CPLANE1: variants seen among roughly 807,000 people sequenced by gnomAD.
The protein encoded by CPLANE1 is ciliogenesis and planar polarity effector complex subunit 1, also known as ciliogenesis and planar polarity effector 1.
Under a neutral mutation model 362.5 loss-of-function variants are expected in CPLANE1, and 263 were observed. That is an observed-to-expected ratio of 0.73 (90% CI 0.66 to 0.80). The LOEUF is 0.80. CPLANE1 is among the 30% of genes least tolerant of loss of function. The probability of loss-of-function intolerance (pLI) is 0.00; values close to 1 mark genes in which losing one functional copy is unlikely to be tolerated. For synonymous variants in CPLANE1, 1,212 were observed against 1,302.6 expected (o/e 0.93, Z 1.50); for missense variants, 3,461 against 3,793.4 (o/e 0.91, Z 2.30).
chr5:37,116,105 G>A (rs1347724202), intron 50 of CPLANE1, among the ~76,000 whole-genome samples: 3 of 151,758 alleles, frequency 2.0e-5, no homozygotes, highest in Admixed American at 1.3e-4. Context: ...TGAGCAACAT[G>A]GCAAGACTCC....
chr5:37,138,862 TG>T lies in CPLANE1; in HGVS notation c.8664-15del. ...TGTACTGAAACACTTCATTTGCAAATGTAATTTAAGAAATATAAATCAGTAT... is the reference window on the plus strand; with the variant it reads ...TGTACTGAAACACTTCATTTGCAAATTAATTTAAGAAATATAAATCAGTAT... On this transcript the variant is annotated splice_polypyrimidine_tract_variant and intron_variant, in intron 45 of 52. Coordinates refer to ENST00000651892, the MANE Select transcript of CPLANE1 (RefSeq NM_001384732.1). The T allele has an allele frequency of 6.3e-7, 1 of 1,593,378 alleles. No individual in the cohort carries two copies. The highest frequency in any genetic ancestry group is 8.5e-7 in the Non-Finnish European group (1 of 1,174,394).
chr5:37,083,235 A>C, the CPLANE1 span, among the ~76,000 whole-genome samples: 1 of 152,184 alleles, frequency 6.6e-6, no homozygotes, highest in Admixed American at 6.5e-5. Context: ...GGGGGAGAGT[A>C]CTACATCAAG....
chr5:37,157,697 C>T lies in CPLANE1; in HGVS notation c.7984G>A (p.Val2662Ile). Residue 2662 changes from valine (V) to isoleucine (I), a missense_variant, in exon 40 of 53, where the codon GTT (valine) becomes ATT (isoleucine). Transcript: ENST00000651892. ...TGACTCTTAAAATTATGTGGGGGAA[C>T]AGCATTAGTAACTGAAGCTGCCATA... ...HYMAASVTNAVPPHNFKSQEV... is the reference protein window; with the variant it reads ...HYMAASVTNAIPPHNFKSQEV... The T allele has an allele frequency of 1.2e-6, 2 of 1,613,468 alleles. No homozygotes were observed. Among genetic ancestry groups the T allele is most frequent in the Non-Finnish European group, 1.7e-6 (2 of 1,179,788 alleles).
chr5:37,124,898 ATAGT>A, intron 47 of CPLANE1: 1 of 1,044,878 alleles, frequency 9.6e-7, no homozygotes. Flanking sequence ...TTTAATACAC[ATAGT>A]TGGTTGTCGC....
downstream of CPLANE1, among the ~76,000 whole-genome samples, chr5:37,105,201 G>A (rs996740985): frequency 1.3e-5 from 2 of 152,198 alleles, no homozygotes; most frequent in African/African-American, 2.4e-5. Flanking sequence ...TTGGGTAGTC[G>A]AGGTGGGAGG....
At chr5:37,102,066 G>GT (rs1224703154), downstream of CPLANE1, among the ~76,000 whole-genome samples, 1 of 151,670 alleles carries the variant, frequency 6.6e-6, no homozygotes, top group Non-Finnish European at 1.5e-5. Context: ...TTTTTGAAGG[G>GT]TTTTTTCATG....
rs146040372 is a variant in CPLANE1, at chr5:37,130,864, T to C, written c.8793-5455A>G. Among the ~76,000 whole-genome samples, 51 of 152,294 alleles carry C rather than the reference T, an allele frequency of 3.3e-4. 1 individual carries two copies. The highest frequency in any genetic ancestry group is 1.0e-3 in the African/African-American group (43 of 41,560). On this transcript the variant is annotated intron_variant, in intron 46 of 52. Transcript: ENST00000651892. ...CTGCATAAACAGATCTTTCCTCCTA[T>C]CTAGGAAAAATGGAATGTCAGAAGT...
rs573980625 is a variant in CPLANE1, at chr5:37,213,646, A to C, written c.2833T>G (p.Phe945Val). 6.5e-7 allele frequency: 1 copy of C among 1,547,076 alleles called. No homozygotes were observed. Among genetic ancestry groups the C allele is most frequent in the South Asian group, 1.2e-5 (1 of 83,254 alleles). The change falls in exon 16 of 53, where the codon TTC (phenylalanine) becomes GTC (valine). Residue 945 changes from phenylalanine to valine, a missense_variant. Phe to Val is a conservative substitution (Grantham distance 50). Transcript: ENST00000651892. ...TGATTGGTGAAATAGGCAGCCATGAAACGAGCCATGGACTGGACGACTCTC... is the reference window on the plus strand; with the variant it reads ...TGATTGGTGAAATAGGCAGCCATGACACGAGCCATGGACTGGACGACTCTC... The part of the protein sequence containing the change: ...AVRVVQSMAR[F>V]MAAYFTNQQL...
At chr5:37,205,512 T>G in intron 17 of CPLANE1, 58 bp from the exon 18 acceptor site, 1 of 1,225,542 alleles carries the variant, frequency 8.2e-7, no homozygotes, top group Non-Finnish European at 1.1e-6. Context: ...AAGGAAAGGT[T>G]TCACATATCA....
chr5:37,132,967 G>T (rs959862085), intron 46 of CPLANE1, among the ~76,000 whole-genome samples: 1 of 152,144 alleles, frequency 6.6e-6, no homozygotes, highest in East Asian at 1.9e-4. Context: ...AAAGGTAGGG[G>T]TCCAGTTTCA....
chr5:37,212,309 C>T, intron 16 of CPLANE1: 1 of 941,626 alleles, frequency 1.1e-6, no homozygotes, highest in East Asian at 2.4e-5. Context: ...CCCTAGTGGA[C>T]ACACTGCAAT....
chr5:37,083,770 C>G, the CPLANE1 span, among the ~76,000 whole-genome samples: 1 of 152,154 alleles, frequency 6.6e-6, no homozygotes, highest in Non-Finnish European at 1.5e-5. Context: ...AAGAAGTCTA[C>G]AGTTAATGTT....
At position 37,162,586 on chromosome 5, in the gene CPLANE1, T is replaced by C; in HGVS notation, c.7589-20A>G. The C allele has an allele frequency of 6.5e-7, 1 of 1,537,876 alleles. No individual in the cohort carries two copies. The highest frequency in any genetic ancestry group is 1.4e-5 in the African/African-American group (1 of 73,470). ...GCATTTCTTAAATATAATAAAACATTGGAAGTAATCATTGAGAAGCTAACA... is the reference window on the plus strand; with the variant it reads ...GCATTTCTTAAATATAATAAAACATCGGAAGTAATCATTGAGAAGCTAACA... On this transcript the variant is annotated intron_variant, in intron 37 of 52. Transcript: ENST00000651892.
chr5:37,080,186 T>G, the CPLANE1 span, among the ~76,000 whole-genome samples: 28 of 152,360 alleles, frequency 1.8e-4, no homozygotes, highest in African/African-American at 6.7e-4. Flanking sequence ...CAATTTCTTT[T>G]AGACATTAGA....
intron 24 of CPLANE1, among the ~76,000 whole-genome samples, chr5:37,185,892 T>TA (rs981687463): frequency 6.6e-6 from 1 of 152,220 alleles, no homozygotes; most frequent in Non-Finnish European, 1.5e-5. Flanking sequence ...AAAGGGAAAT[T>TA]ACTTGTTTTC....
intron 43 of CPLANE1, among the ~76,000 whole-genome samples, chr5:37,145,797 A>G (rs756394912): frequency 2.0e-5 from 3 of 152,222 alleles, no homozygotes; most frequent in Non-Finnish European, 4.4e-5. Flanking sequence ...GATATTAGAA[A>G]TAAGCACAAA....
chr5:37,208,452 C>T lies in CPLANE1; in HGVS notation c.2921-2027G>A, dbSNP rs529298073. Among the ~76,000 whole-genome samples, 40 of 152,272 alleles carry T rather than the reference C, an allele frequency of 2.6e-4. 1 individual carries two copies. In the East Asian group the frequency reaches 6.0e-3, roughly 23 times the overall value. On this transcript the variant is annotated intron_variant, in intron 16 of 52. Coordinates refer to ENST00000651892, the MANE Select transcript of CPLANE1 (RefSeq NM_001384732.1). ...CAGCACTTTGGGAGGCCGAGGTGAGCGGATCAGGAGGTCAGGAGATCGAGA... is the reference window on the plus strand; with the variant it reads ...CAGCACTTTGGGAGGCCGAGGTGAGTGGATCAGGAGGTCAGGAGATCGAGA...
intron 46 of CPLANE1, among the ~76,000 whole-genome samples, chr5:37,133,753 G>A (rs1561357054): frequency 1.3e-5 from 2 of 152,022 alleles, no homozygotes; most frequent in African/African-American, 2.4e-5. Flanking sequence ...TTCCTATTTG[G>A]ATGCCTTACG....
chr5:37,208,296 A>C (rs1791414679), intron 16 of CPLANE1, among the ~76,000 whole-genome samples: 1 of 152,218 alleles, frequency 6.6e-6, no homozygotes, highest in South Asian at 2.1e-4. Context: ...CAAACACATC[A>C]AACTTGTTCT....
Sources: allele counts gnomAD v4.1 joint callset (sites outside exome capture counted in the v4.1 genomes callset), GRCh38; gene constraint gnomAD v4.1.1; transcripts MANE v1.5; gene names NCBI Gene and HGNC (gene_info 2026-07-23, HGNC 2026-07-21).